The following AMOTL1 variants were observed in gnomAD, a reference collection of about 807,000 sequenced individuals.
AMOTL1 encodes angiomotin like 1, also known as angiomotin-like protein 1.
In AMOTL1, 45 loss-of-function variants were observed where a neutral mutation model predicts 102.9. The ratio of observed to expected loss-of-function variants is 0.44; its 90% CI spans 0.34 to 0.56. The LOEUF is 0.56. Among genes scored for constraint, AMOTL1 ranks in the 20% least tolerant of loss-of-function variants. The pLI is 0.01. For missense variants in AMOTL1, 1,114 were observed against 1,225.6 expected (o/e 0.91, Z 1.36); for synonymous variants, 481 against 484.7 (o/e 0.99, Z 0.10).
At chr11:94,785,306 G>C (rs946294786) in intron 1 of AMOTL1, among the ~76,000 whole-genome samples, 1 of 152,214 alleles carries the variant, frequency 6.6e-6, no homozygotes, top group African/African-American at 2.4e-5. Flanking sequence ...GGGCAGAATG[G>C]TGTAGTCAAA....
chr11:94,814,039 T>A (rs1219526342), intron 3 of AMOTL1, among the ~76,000 whole-genome samples: 1 of 152,206 alleles, frequency 6.6e-6, no homozygotes, highest in Non-Finnish European at 1.5e-5. Context: ...TCCCTCCCCT[T>A]CTACTCAGGT....
chr11:94,800,237 C>T lies in AMOTL1; in HGVS notation c.1047C>T (p.Tyr349=), dbSNP rs754631003. The T allele has an allele frequency of 7.4e-6, 12 of 1,614,010 alleles. No individual in the cohort carries two copies. Among genetic ancestry groups the T allele is most frequent in the Non-Finnish European group, 1.0e-5 (12 of 1,179,884 alleles). ...PGMLHEMVKP[Y]PAPQPVRTDV... Reference sequence around the variant, plus strand: ...TGCTCCACGAGATGGTCAAGCCCTACCCTGCTCCTCAGCCTGTGAGAACAG... The same window carrying T: ...TGCTCCACGAGATGGTCAAGCCCTATCCTGCTCCTCAGCCTGTGAGAACAG... Residue 349 remains tyrosine (Y), a synonymous_variant, in exon 3 of 13, where the codon TAC becomes TAT. Transcript: ENST00000433060.
intron 3 of AMOTL1, chr11:94,741,069 C>A: frequency 8.7e-7 from 1 of 1,144,336 alleles, no homozygotes; most frequent in Non-Finnish European, 1.2e-6. Flanking sequence ...TCCATAGGAA[C>A]TCAGCTAGGG....
At chr11:94,752,395 A>AT (rs1383455956) in intron 3 of AMOTL1, among the ~76,000 whole-genome samples, 1 of 152,182 alleles carries the variant, frequency 6.6e-6, no homozygotes, top group African/African-American at 2.4e-5. Flanking sequence ...ATAAAAGGGG[A>AT]TAAAAAAAGA....
intron 1 of AMOTL1, among the ~76,000 whole-genome samples, chr11:94,709,921 T>C (rs1212098847): frequency 6.6e-6 from 1 of 152,198 alleles, no homozygotes; most frequent in Admixed American, 6.5e-5. Flanking sequence ...TCTTTGTCCT[T>C]GCATATTTCC....
At chr11:94,821,160 C>G (rs1357765786) in intron 3 of AMOTL1, among the ~76,000 whole-genome samples, 1 of 152,216 alleles carries the variant, frequency 6.6e-6, no homozygotes, top group African/African-American at 2.4e-5. Context: ...CTTCTCTGCT[C>G]TCTCAGTAGG....
chr11:94,728,928 CT>C (rs921434844), exon 2 of AMOTL1: 4 of 1,232,246 alleles, frequency 3.2e-6, no homozygotes, highest in Non-Finnish European at 4.2e-6. Flanking sequence ...CAGGAGATTG[CT>C]TCCATTTGAT....
chr11:94,821,735 C>A lies in AMOTL1; in HGVS notation c.1327C>A (p.Gln443Lys), dbSNP rs757624588. 1.2e-5 allele frequency: 20 copies of A among 1,613,888 alleles called. 1 individual carries two copies. In the South Asian group the frequency reaches 1.8e-4, roughly 14 times the overall value. The change falls in exon 4 of 13, where the codon CAA becomes AAA. Residue 443 changes from glutamine (Q) to lysine (K), a missense_variant. Gln to Lys is a moderately conservative substitution (Grantham distance 53). Coordinates refer to ENST00000433060, the MANE Select transcript of AMOTL1 (RefSeq NM_130847.3). ...DAFAIVERAQ[Q>K]MVEILTEENR... ...CTTTGCGATTGTGGAGCGAGCCCAG[C>A]AAATGGTGGAGATATTAACAGAGGA...
intron 2 of AMOTL1, among the ~76,000 whole-genome samples, chr11:94,798,473 A>G (rs1266329732): frequency 2.0e-5 from 3 of 152,150 alleles, no homozygotes; most frequent in Non-Finnish European, 4.4e-5. Flanking sequence ...CTTGACAGAA[A>G]GTAGATGAGG....
At chr11:94,774,229 C>T (rs766132492) in intron 1 of AMOTL1, among the ~76,000 whole-genome samples, 11 of 152,172 alleles carry the variant, frequency 7.2e-5, no homozygotes, top group East Asian at 1.9e-4. Context: ...CAGTTGGGAG[C>T]GCTGTGAATA....
chr11:94,846,227 A>G (rs1227490353), intron 6 of AMOTL1, among the ~76,000 whole-genome samples: 2 of 152,192 alleles, frequency 1.3e-5, no homozygotes, highest in South Asian at 2.1e-4. Context: ...CTGTGCATGC[A>G]TCTGTTAGAG....
At chr11:94,717,776 A>T (rs1950117970) in intron 1 of AMOTL1, among the ~76,000 whole-genome samples, 2 of 151,920 alleles carry the variant, frequency 1.3e-5, no homozygotes, top group South Asian at 4.1e-4. Context: ...TAAATAGAAA[A>T]AAGATCAAAA....
intron 1 of AMOTL1, among the ~76,000 whole-genome samples, chr11:94,772,805 G>A (rs1950973237): frequency 6.6e-6 from 1 of 152,156 alleles, no homozygotes; most frequent in South Asian, 2.1e-4. Context: ...CAGAGTGGCT[G>A]CACCACTCCT....
intron 4 of AMOTL1, among the ~76,000 whole-genome samples, chr11:94,828,371 C>T (rs912308586): frequency 1.3e-5 from 2 of 152,096 alleles, no homozygotes; most frequent in Admixed American, 1.3e-4. Context: ...ACCTGGATAT[C>T]TCTTCTACCT....
At chr11:94,744,954 T>A (rs1950573339) in intron 3 of AMOTL1, among the ~76,000 whole-genome samples, 1 of 152,208 alleles carries the variant, frequency 6.6e-6, no homozygotes, top group Non-Finnish European at 1.5e-5. Flanking sequence ...AATTTTTAAA[T>A]CAATATTATA....
At chr11:94,821,909 C>A in intron 4 of AMOTL1, 88 bp downstream of exon 4, 2 of 1,507,934 alleles carry the variant, frequency 1.3e-6, no homozygotes, top group South Asian at 1.3e-5. Flanking sequence ...GCCAACATTG[C>A]AGTAGACCCC....
At chr11:94,860,951 G>T (rs1952761518) in intron 9 of AMOTL1, among the ~76,000 whole-genome samples, 1 of 152,232 alleles carries the variant, frequency 6.6e-6, no homozygotes. Flanking sequence ...ATCCCCAGTG[G>T]TATGCTCAGA....
At chr11:94,731,642 A>G (rs116777813) in intron 2 of AMOTL1, among the ~76,000 whole-genome samples, 1,796 of 152,280 alleles carry the variant, frequency 0.012, 37 homozygotes, top group African/African-American at 0.041. Flanking sequence ...TTGTATAGAT[A>G]TAGACTATCT....
chr11:94,757,466 A>C (rs1431948135), intron 3 of AMOTL1, among the ~76,000 whole-genome samples: 1 of 152,136 alleles, frequency 6.6e-6, no homozygotes, highest in Non-Finnish European at 1.5e-5. Flanking sequence ...TGTGTTTTAA[A>C]ATCTGTAACT....
Sources: allele counts gnomAD v4.1 joint callset (sites outside exome capture counted in the v4.1 genomes callset), GRCh38; gene constraint gnomAD v4.1.1; transcripts MANE v1.5; gene names NCBI Gene and HGNC (gene_info 2026-07-23, HGNC 2026-07-21).